The following PAX7 variants were observed in gnomAD, a reference collection of about 807,000 sequenced individuals.
The protein encoded by PAX7 is paired box protein Pax-7.
PAX7 carries 18 observed loss-of-function variants against 50.7 expected under a neutral mutation model. That is an observed-to-expected ratio of 0.36 (90% CI 0.25 to 0.53). PAX7 has a LOEUF of 0.53. Ranked by LOEUF, PAX7 falls within the 20% of genes least tolerant of loss-of-function variation. The probability of loss-of-function intolerance (pLI) is 0.93; values close to 1 mark genes in which losing one functional copy is unlikely to be tolerated. For missense variants in PAX7, 644 were observed against 702.9 expected (o/e 0.92, Z 0.95); for synonymous variants, 310 against 290.4 (o/e 1.07, Z -0.69).
At chr1:18,739,024 T>A (rs2100412839) in intron 8 of PAX7, among the ~76,000 whole-genome samples, 1 of 152,322 alleles carries the variant, frequency 6.6e-6, no homozygotes, top group Non-Finnish European at 1.5e-5. Flanking sequence ...AAGAGTCCCA[T>A]GTCCTGGACT....
intron 7 of PAX7, among the ~76,000 whole-genome samples, chr1:18,718,046 G>A (rs1455178040): frequency 6.6e-6 from 1 of 152,178 alleles, no homozygotes; most frequent in East Asian, 1.9e-4. Flanking sequence ...GTAGATTCCA[G>A]AGGGACAGGA....
chr1:18,727,371 T>TACACACACACACAC (rs56258552), intron 7 of PAX7, among the ~76,000 whole-genome samples: 4 of 133,992 alleles, frequency 3.0e-5, no homozygotes, highest in African/African-American at 1.1e-4. Context: ...CTCTCTCTCA[T>TACACACACACACAC]ACACACACAC....
At chr1:18,702,328 G>A (rs1200383745) in intron 6 of PAX7, among the ~76,000 whole-genome samples, 1 of 151,956 alleles carries the variant, frequency 6.6e-6, no homozygotes, top group Middle Eastern at 3.2e-3. Flanking sequence ...GACAGAGTGA[G>A]ACTCCATCTC....
chr1:18,733,216 C>T (rs2089668930), intron 7 of PAX7, among the ~76,000 whole-genome samples: 1 of 152,046 alleles, frequency 6.6e-6, no homozygotes. Flanking sequence ...AAGCAACAAA[C>T]ACAGTCCCAC....
Position 18,726,131 on chromosome 1 carries a change from A to T in PAX7, c.1156-9501A>T. ...CCTCTAGACATCTTATAAAACAGAC[A>T]TTGGAAGAGTGTGAGTGTGTGTGTG... On this transcript the variant is annotated intron_variant, in intron 7 of 8. Transcript: ENST00000420770. The surrounding 1 kb of genome is among the most constrained non-coding windows in gnomAD (Gnocchi z 4.8). 7.8e-6 allele frequency among the ~76,000 whole-genome samples: 1 copy of T among 127,734 alleles called. No homozygotes were observed. The highest frequency in any genetic ancestry group is 1.6e-5 in the Non-Finnish European group (1 of 61,730). 83.8% of individuals were successfully genotyped at this position (127,734 alleles called of 152,430 possible). A position where few individuals can be genotyped will look rare whatever the true frequency, so the allele number is the denominator to read the frequency against.
At chr1:18,646,587 G>T (rs899797257) in intron 4 of PAX7, among the ~76,000 whole-genome samples, 3 of 152,092 alleles carry the variant, frequency 2.0e-5, no homozygotes, top group African/African-American at 7.2e-5. Flanking sequence ...CCTCCTCCCC[G>T]GGGCGCCCCC....
At chr1:18,649,885 C>T (rs2088405447) in intron 4 of PAX7, among the ~76,000 whole-genome samples, 1 of 152,214 alleles carries the variant, frequency 6.6e-6, no homozygotes, top group South Asian at 2.1e-4. Context: ...TGTCTCTGGC[C>T]CCTGGTCCTT....
In PAX7 at chr1:18,631,491, G is replaced by GT; in HGVS notation, c.-111dup. ...TGTGTGTGGAGGGGAGGGAGAAGAG[G>GT]TTAAAAAAAAGAAGACGAAGAAGAC... On this transcript the variant is annotated 5_prime_UTR_variant, in exon 1 of 9. Transcript: ENST00000420770. 3.3e-6 allele frequency: 3 copies of GT among 918,128 alleles called. No homozygotes were observed. Among genetic ancestry groups the GT allele is most frequent in the Non-Finnish European group, 5.2e-6 (3 of 578,230 alleles). The allele number at this position is 918,128 out of a possible 1,614,324, so 56.9% of individuals were successfully genotyped here.
intron 4 of PAX7, among the ~76,000 whole-genome samples, chr1:18,687,929 C>A (rs1339863222): frequency 6.6e-6 from 1 of 152,096 alleles, no homozygotes; most frequent in Non-Finnish European, 1.5e-5. Flanking sequence ...AGGAATTAGA[C>A]CCAGAACTCC....
At chr1:18,714,588 T>G (rs1314951303) in intron 7 of PAX7, among the ~76,000 whole-genome samples, 1 of 152,182 alleles carries the variant, frequency 6.6e-6, no homozygotes, top group South Asian at 2.1e-4. Flanking sequence ...AACCACCATG[T>G]GATCTTGATA....
intron 3 of PAX7, 102 bp downstream of exon 3, chr1:18,635,342 CTG>C: frequency 1.5e-6 from 2 of 1,371,150 alleles, no homozygotes; most frequent in Non-Finnish European, 2.0e-6. Context: ...TGATGGCTGA[CTG>C]TGAACTTACT....
chr1:18,671,968 C>A (rs1235289349), intron 4 of PAX7, among the ~76,000 whole-genome samples: 1 of 151,304 alleles, frequency 6.6e-6, no homozygotes, highest in Non-Finnish European at 1.5e-5. Context: ...CAGAACAAGA[C>A]CCTGTCTCTT....
chr1:18,631,541 G>A lies in PAX7; in HGVS notation c.-63G>A. 7.4e-7 allele frequency: 1 copy of A among 1,344,904 alleles called. No individual in the cohort carries two copies. The highest frequency in any genetic ancestry group is 1.1e-6 in the Non-Finnish European group (1 of 947,808). 83.3% of individuals were successfully genotyped at this position (1,344,904 alleles called of 1,614,324 possible). On this transcript the variant is annotated 5_prime_UTR_variant, in exon 1 of 9. It adds an upstream start codon to the 5' untranslated region. Transcript: ENST00000420770. Reference sequence around the variant, plus strand: ...CGGAAAGAAAGAGATCGCAGCAGGGGTGAAGGGAGCGGACGGGAAGCGATT... The same window carrying A: ...CGGAAAGAAAGAGATCGCAGCAGGGATGAAGGGAGCGGACGGGAAGCGATT...
chr1:18,738,653 C>G (rs1168483588), intron 8 of PAX7, among the ~76,000 whole-genome samples: 1 of 152,000 alleles, frequency 6.6e-6, no homozygotes, highest in Non-Finnish European at 1.5e-5. Flanking sequence ...CCAGGAATAG[C>G]TCAGAGCTCC....
chr1:18,703,983 A>G (rs559654850), intron 7 of PAX7, among the ~76,000 whole-genome samples: 14 of 152,372 alleles, frequency 9.2e-5, no homozygotes, highest in Middle Eastern at 3.4e-3. Flanking sequence ...TTTATCCCCT[A>G]TTAAACAAAG....
intron 4 of PAX7, among the ~76,000 whole-genome samples, chr1:18,674,460 A>C (rs930454057): frequency 2.0e-5 from 3 of 152,198 alleles, no homozygotes; most frequent in Non-Finnish European, 4.4e-5. Flanking sequence ...GTGGAGAAGA[A>C]GAGGTGAAAA....
At chr1:18,732,548 G>A (rs755597409) in intron 7 of PAX7, among the ~76,000 whole-genome samples, 2 of 152,212 alleles carry the variant, frequency 1.3e-5, no homozygotes. Context: ...GTGAATGAAT[G>A]AAGGATATCT....
chr1:18,678,465 T>A (rs982849166), intron 4 of PAX7, among the ~76,000 whole-genome samples: 2 of 152,112 alleles, frequency 1.3e-5, no homozygotes, highest in African/African-American at 4.8e-5. Flanking sequence ...TACCCTGCCC[T>A]CGAGTAATGC....
chr1:18,705,484 T>C (rs1171490711), intron 7 of PAX7, among the ~76,000 whole-genome samples: 1 of 152,144 alleles, frequency 6.6e-6, no homozygotes, highest in African/African-American at 2.4e-5. Context: ...CCAGTACACA[T>C]TGGCCAGGCC....
Sources: allele counts gnomAD v4.1 joint callset (sites outside exome capture counted in the v4.1 genomes callset), GRCh38; gene constraint gnomAD v4.1.1; non-coding constraint Gnocchi (gnomAD v3.1); transcripts MANE v1.5; gene names NCBI Gene and HGNC (gene_info 2026-07-23, HGNC 2026-07-21).